ZSCAN31: variants seen among roughly 807,000 people sequenced by gnomAD.
The protein encoded by ZSCAN31 is zinc finger and SCAN domain-containing protein 31.
Under a neutral mutation model 22.5 loss-of-function variants are expected in ZSCAN31, and 14 were observed. That is an observed-to-expected ratio of 0.62 (90% CI 0.41 to 0.97). The LOEUF is 0.97. Ranked by LOEUF, ZSCAN31 falls within the 50% of genes least tolerant of loss-of-function variation. ZSCAN31 has a pLI of 0.00. For synonymous variants in ZSCAN31, 168 were observed against 169.8 expected (o/e 0.99, Z 0.08); for missense variants, 424 against 483.4 (o/e 0.88, Z 1.15).
At position 28,349,164 on chromosome 6, in the gene ZSCAN31, CATATATATAGGTGTATATATATGTCTCAT is replaced by C. The variant is rs1764797442; in HGVS notation, c.-371+4669_-371+4697del. Among the ~76,000 whole-genome samples, 8 of 11,878 alleles carry C rather than the reference CATATATATAGGTGTATATATATGTCTCAT, an allele frequency of 6.7e-4. No homozygotes were observed. Among genetic ancestry groups the C allele is most frequent in the East Asian group, 3.9e-3 (2 of 510 alleles). The allele number at this position is 11,878 out of a possible 152,430, so 7.8% of individuals were successfully genotyped here. On this transcript the variant is annotated intron_variant, in intron 2 of 7. Coordinates refer to the ZSCAN31 transcript ENST00000396838. This position sits in a 1 kb window ranked among gnomAD's most constrained non-coding sequence, Gnocchi z 4.1. ...CATATATAGGTGTATATATATGTCTCATATATATAGGTGTATATATATGTCTCATATATATAGGTGTATATATATGTCTC... is the reference window on the plus strand; with the variant it reads ...CATATATAGGTGTATATATATGTCTCATATATAGGTGTATATATATGTCTC...
chr6:28,325,476 CATG>C lies in ZSCAN31; in HGVS notation c.*687_*689del, dbSNP rs1489290475. 2.0e-5 allele frequency: 3 copies of C among 147,806 alleles called. No individual in the cohort carries two copies. Among genetic ancestry groups the C allele is most frequent in the African/African-American group, 7.6e-5 (3 of 39,444 alleles). 9.2% of individuals were successfully genotyped at this position (147,806 alleles called of 1,614,324 possible). On this transcript the variant is annotated 3_prime_UTR_variant, in exon 4 of 4. Coordinates refer to ENST00000344279, the MANE Select transcript of ZSCAN31 (RefSeq NM_030899.5). Reference sequence around the variant, plus strand: ...GATTCATGTCAAACTCATATTAACTCATGATATCAACATATATATTGATTCGTA... The same window carrying C: ...GATTCATGTCAAACTCATATTAACTCATATCAACATATATATTGATTCGTA...
Position 28,329,715 on chromosome 6 carries a change from C to A in ZSCAN31, c.-32G>T. 1 of 1,577,058 alleles carries A rather than the reference C, an allele frequency of 6.3e-7. No homozygotes were observed. Among genetic ancestry groups the A allele is most frequent in the Non-Finnish European group, 8.6e-7 (1 of 1,163,170 alleles). ...GGTTAATTTGGAAGGCTTACTCTGGCTTTAAGTAAAGGGATAACTGTGATT... is the reference window on the plus strand; with the variant it reads ...GGTTAATTTGGAAGGCTTACTCTGGATTTAAGTAAAGGGATAACTGTGATT... On this transcript the variant is annotated 5_prime_UTR_variant, in exon 2 of 4. Transcript: ENST00000344279.
In ZSCAN31 at chr6:28,325,915, C is replaced by T. The variant is rs1763224017; in HGVS notation, c.*251G>A. Reference sequence around the variant, plus strand: ...GCTAGGGAATAAGAAGGCCACCCAGCAACCCCCTACAATCACAGTCATCCA... The same window carrying T: ...GCTAGGGAATAAGAAGGCCACCCAGTAACCCCCTACAATCACAGTCATCCA... On this transcript the variant is annotated 3_prime_UTR_variant, in exon 4 of 4. Transcript: ENST00000344279. 3 of 340,986 alleles carry T rather than the reference C, an allele frequency of 8.8e-6. No homozygotes were observed. Among genetic ancestry groups the T allele is most frequent in the Admixed American group, 4.3e-5 (1 of 23,494 alleles). 21.1% of individuals were successfully genotyped at this position (340,986 alleles called of 1,614,324 possible). A position where few individuals can be genotyped will look rare whatever the true frequency, so the allele number is the denominator to read the frequency against.
chr6:28,337,639 G>C (rs1764244151), upstream of ZSCAN31: 1 of 152,148 alleles, frequency 6.6e-6, no homozygotes, highest in African/African-American at 2.4e-5. Flanking sequence ...AAGGACACAA[G>C]GTCCTCATCC....
Position 28,326,818 on chromosome 6 carries a change from G to C in ZSCAN31, c.569C>G (p.Ser190Ter), listed in dbSNP as rs2113783122. ...ESIPENQELA[S>*]KQEILKEMEH... The stretch of plus-strand genomic sequence containing the variant: ...CATTTCTTTTAAGATTTCTTGCTTT[G>C]ATGCCAACTCCTGGTTCTCAGGTAT... The change falls in exon 4 of 4, where the codon TCA becomes TGA. Residue 190 changes from serine (S) to a stop codon, truncating the protein, a stop_gained. Transcript: ENST00000344279. LOFTEE classifies it low-confidence loss of function (END_TRUNC). The C allele has an allele frequency of 1.2e-6, 2 of 1,612,434 alleles. No homozygotes were observed. The highest frequency in any genetic ancestry group is 2.2e-5 in the East Asian group (1 of 44,872).
chr6:28,348,997 CATGTCTCATATACATAGG>C, intron 2 of ZSCAN31, among the ~76,000 whole-genome samples: 1 of 115,298 alleles, frequency 8.7e-6, no homozygotes, highest in Non-Finnish European at 1.8e-5. Context: ...GGTGTATATA[CATGTCTCATATACATAGG>C]TGTATATACA....
At chr6:28,350,251 A>G (rs1764899908) in intron 2 of ZSCAN31, 1 of 152,258 alleles carries the variant, frequency 6.6e-6, no homozygotes, top group African/African-American at 2.4e-5. Flanking sequence ...GTAGAGCCCA[A>G]TATGGGTGTC....
rs964494523 is a variant in ZSCAN31 at position 28,333,667 on chromosome 6, T to C, written c.-96+2415A>G. On this transcript the variant is annotated intron_variant, in intron 1 of 3. Coordinates refer to ENST00000344279, the MANE Select transcript of ZSCAN31 (RefSeq NM_030899.5). This position sits in a 1 kb window ranked among gnomAD's most constrained non-coding sequence, Gnocchi z 4.1. Reference sequence around the variant, plus strand: ...GGGAGGGGAAGAGCACTCTGGACTATCCAAAGGCCCTGAGGAAGTGCATGC... The same window carrying C: ...GGGAGGGGAAGAGCACTCTGGACTACCCAAAGGCCCTGAGGAAGTGCATGC... Among the ~76,000 whole-genome samples the C allele has an allele frequency of 6.6e-6, 1 of 151,962 alleles. No individual in the cohort carries two copies. The highest frequency in any genetic ancestry group is 1.5e-5 in the Non-Finnish European group (1 of 68,010).
rs1397641864 is a variant in ZSCAN31, at chr6:28,351,456, T to C, written c.-371+2406A>G. ...TGTATTATTCAGGAAGGAAAGAAGT[T>C]AGGACATTGTTTAATTTTCTAAAAT... On this transcript the variant is annotated intron_variant, in intron 2 of 7. Transcript: ENST00000396838. The surrounding 1 kb of genome is among the most constrained non-coding windows in gnomAD (Gnocchi z 4.6). 6.6e-6 allele frequency among the ~76,000 whole-genome samples: 1 copy of C among 152,190 alleles called. No homozygotes were observed. Among genetic ancestry groups the C allele is most frequent in the Non-Finnish European group, 1.5e-5 (1 of 68,038 alleles).
chr6:28,338,285 A>C (rs932613225), upstream of ZSCAN31, among the ~76,000 whole-genome samples: 9 of 152,016 alleles, frequency 5.9e-5, no homozygotes, highest in Non-Finnish European at 1.3e-4. Context: ...TGTGGGTCTG[A>C]GGTGGGAGGA....
At chr6:28,352,383 G>T (rs1447938860) in intron 2 of ZSCAN31, among the ~76,000 whole-genome samples, 1 of 152,044 alleles carries the variant, frequency 6.6e-6, no homozygotes, top group Non-Finnish European at 1.5e-5. Context: ...CTCCCAAGTA[G>T]CTGGGATTAC....
At chr6:28,354,640 A>G, upstream of ZSCAN31, among the ~76,000 whole-genome samples, 1 of 152,236 alleles carries the variant, frequency 6.6e-6, no homozygotes, top group African/African-American at 2.4e-5. Flanking sequence ...CAATAATTTC[A>G]GGTTATAGTG....
At chr6:28,346,340 A>ATTTTTTTTTTTTT (rs1764639201) in intron 2 of ZSCAN31, among the ~76,000 whole-genome samples, 1 of 88,604 alleles carries the variant, frequency 1.1e-5, no homozygotes, top group Non-Finnish European at 2.1e-5. Flanking sequence ...CCTCAGTACA[A>ATTTTTTTTTTTTT]TCTTTTTTTT....
Position 28,329,494 on chromosome 6 carries a change from A to G in ZSCAN31, c.190T>C (p.Cys64Arg). Residue 64 changes from cysteine (C) to arginine (R), a missense_variant, in exon 2 of 4, where the codon TGT (cysteine) becomes CGT (arginine). Cys to Arg is a radical substitution (Grantham distance 180). Transcript: ENST00000344279. ...REALSRLREL[C>R]HQWLRPEIHT... ...ATTTCTGGCCTTAGCCACTGATGAC[A>G]GAGTTCTCGGAGCCGGCTCAGAGCT... 1 of 1,614,098 alleles carries G rather than the reference A, an allele frequency of 6.2e-7. No individual in the cohort carries two copies. Among genetic ancestry groups the G allele is most frequent in the South Asian group, 1.1e-5 (1 of 91,072 alleles).
At chr6:28,343,105 C>T (rs560314795) in intron 2 of ZSCAN31, among the ~76,000 whole-genome samples, 1 of 152,236 alleles carries the variant, frequency 6.6e-6, no homozygotes, top group South Asian at 2.1e-4. Context: ...CCAGATAAGG[C>T]TCATAGTGGG....
At position 28,329,575 on chromosome 6, in the gene ZSCAN31, C is replaced by T; in HGVS notation, c.109G>A (p.Ala37Thr). The T allele has an allele frequency of 1.2e-6, 2 of 1,614,226 alleles. No individual in the cohort carries two copies. Among genetic ancestry groups the T allele is most frequent in the Non-Finnish European group, 1.7e-6 (2 of 1,180,040 alleles). ...AACTGCCTAAAAAGTTGTCGGGAGG[C>T]TTCTTGGCCAGAAAAGTTGTTCCCT... ...LRGNNFSGQEASRQLFRQFCY... is the reference protein window; with the variant it reads ...LRGNNFSGQETSRQLFRQFCY... Residue 37 changes from alanine (A) to threonine (T), a missense_variant, in exon 2 of 4, where the codon GCC (alanine) becomes ACC (threonine). Coordinates refer to ENST00000344279, the MANE Select transcript of ZSCAN31 (RefSeq NM_030899.5).
Position 28,329,864 on chromosome 6 carries a change from T to C in ZSCAN31, c.-95-86A>G, listed in dbSNP as rs149721572. ...AAGTATGGAAACATGAATGGTATTC[T>C]ATCATTTATGTTAATAAAATGTATA... On this transcript the variant is annotated intron_variant, in intron 1 of 3. Coordinates refer to ENST00000344279, the MANE Select transcript of ZSCAN31 (RefSeq NM_030899.5). 1.7e-4 allele frequency: 112 copies of C among 653,714 alleles called. No individual in the cohort carries two copies. In the East Asian group the frequency reaches 2.7e-3, roughly 16 times the overall value. The allele number at this position is 653,714 out of a possible 1,614,324, so 40.5% of individuals were successfully genotyped here. A position where few individuals can be genotyped will look rare whatever the true frequency, so the allele number is the denominator to read the frequency against.
chr6:28,343,613 G>A (rs1005250094), intron 2 of ZSCAN31, among the ~76,000 whole-genome samples: 37 of 140,886 alleles, frequency 2.6e-4, no homozygotes, highest in African/African-American at 8.0e-4. Flanking sequence ...GCGGGATCTC[G>A]GCTCACTGCA....
chr6:28,349,199 TAGGTGTATATATATGTCTCATATATATAG>T lies in ZSCAN31; in HGVS notation c.-371+4634_-371+4662del. 7.0e-6 allele frequency among the ~76,000 whole-genome samples: 1 copy of T among 142,486 alleles called. No homozygotes were observed. Among genetic ancestry groups the T allele is most frequent in the Non-Finnish European group, 1.5e-5 (1 of 66,094 alleles). 93.5% of individuals were successfully genotyped at this position (142,486 alleles called of 152,430 possible). On this transcript the variant is annotated intron_variant, in intron 2 of 7. Transcript: ENST00000396838. This position sits in a 1 kb window ranked among gnomAD's most constrained non-coding sequence, Gnocchi z 4.1. ...GGTGTATATATATGTCTCATATATATAGGTGTATATATATGTCTCATATATATAGGTGTATATATATGTCTCATATATAT... is the reference window on the plus strand; with the variant it reads ...GGTGTATATATATGTCTCATATATATGTGTATATATATGTCTCATATATAT...
Sources: allele counts gnomAD v4.1 joint callset (sites outside exome capture counted in the v4.1 genomes callset), GRCh38; gene constraint gnomAD v4.1.1; non-coding constraint Gnocchi (gnomAD v3.1); transcripts MANE v1.5; gene names NCBI Gene and HGNC (gene_info 2026-07-23, HGNC 2026-07-21).